The following DPYD variants were observed in gnomAD, a reference collection of about 807,000 sequenced individuals.
DPYD encodes dihydropyrimidine dehydrogenase [NADP(+)].
DPYD carries 109 observed loss-of-function variants against 116.2 expected under a neutral mutation model. That is an observed-to-expected ratio of 0.94 (90% CI 0.80 to 1.10). DPYD has a LOEUF of 1.10. DPYD is among the 50% of genes least tolerant of loss of function. The pLI, the probability that DPYD is intolerant of heterozygous loss-of-function variation, is 0.00. For synonymous variants in DPYD, 440 were observed against 432.0 expected (o/e 1.02, Z -0.23); for missense variants, 1,302 against 1,254.5 (o/e 1.04, Z -0.57).
intron 12 of DPYD, among the ~76,000 whole-genome samples, chr1:97,528,282 T>C (rs1046008778): frequency 6.6e-6 from 1 of 152,176 alleles, no homozygotes; most frequent in Admixed American, 6.5e-5. Flanking sequence ...ATAATAAAAT[T>C]TCCTTCTGAT....
chr1:97,118,469 A>G (rs371749812), intron 20 of DPYD, among the ~76,000 whole-genome samples: 15 of 152,166 alleles, frequency 9.9e-5, no homozygotes, highest in East Asian at 3.9e-4. Context: ...AAAGCAAGAG[A>G]TAACTATAAA....
chr1:97,190,453 C>T (rs1436946805), intron 20 of DPYD, among the ~76,000 whole-genome samples: 1 of 152,096 alleles, frequency 6.6e-6, no homozygotes, highest in Non-Finnish European at 1.5e-5. Context: ...GCTAGTGGGG[C>T]CTGGGAACCT....
intron 20 of DPYD, among the ~76,000 whole-genome samples, chr1:97,100,563 A>G (rs1650595412): frequency 1.3e-5 from 2 of 152,018 alleles, no homozygotes; most frequent in African/African-American, 4.8e-5. Context: ...TGGGGTTTAC[A>G]TGGTTCTCTG....
Position 97,157,920 on chromosome 1 carries a change from T to G in DPYD, c.2622+35149A>C, listed in dbSNP as rs1655596612. Among the ~76,000 whole-genome samples, 3 of 152,272 alleles carry G rather than the reference T, an allele frequency of 2.0e-5. No homozygotes were observed. In the South Asian group the frequency reaches 6.2e-4, roughly 32 times the overall value. The stretch of plus-strand genomic sequence containing the variant: ...TCTGCAACTAAAGAATAAGATTCTT[T>G]ACAATGAGCAATGCTGAATAGGTAC... On this transcript the variant is annotated intron_variant, in intron 20 of 22. Coordinates refer to ENST00000370192, the MANE Select transcript of DPYD (RefSeq NM_000110.4).
At chr1:97,746,530 A>G (rs1018432842) in intron 3 of DPYD, among the ~76,000 whole-genome samples, 2 of 152,128 alleles carry the variant, frequency 1.3e-5, no homozygotes, top group African/African-American at 4.8e-5. Flanking sequence ...ATGACTATTA[A>G]AGACTGTTGC....
At chr1:97,355,560 T>C (rs1421687860) in intron 16 of DPYD, among the ~76,000 whole-genome samples, 1 of 152,202 alleles carries the variant, frequency 6.6e-6, no homozygotes, top group Non-Finnish European at 1.5e-5. Flanking sequence ...CCCTATTCTT[T>C]GACCATCTTC....
At chr1:97,665,875 CT>C (rs1040528222) in intron 8 of DPYD, among the ~76,000 whole-genome samples, 6 of 152,112 alleles carry the variant, frequency 3.9e-5, no homozygotes, top group African/African-American at 1.2e-4. Context: ...CTCTGGATGG[CT>C]TTTTGTTATT....
At chr1:97,194,282 C>T (rs1049346048) in intron 19 of DPYD, among the ~76,000 whole-genome samples, 51 of 152,022 alleles carry the variant, frequency 3.4e-4, no homozygotes, top group African/African-American at 1.1e-3. Flanking sequence ...ATGCTGTTCT[C>T]GTGATGATGA....
chr1:97,156,263 G>T (rs546962265), intron 20 of DPYD, among the ~76,000 whole-genome samples: 1 of 151,960 alleles, frequency 6.6e-6, no homozygotes, highest in African/African-American at 2.4e-5. Context: ...TAGCCTCCAG[G>T]GTTCCATTCT....
chr1:97,695,414 T>A (rs572452932), intron 6 of DPYD, among the ~76,000 whole-genome samples: 1 of 149,094 alleles, frequency 6.7e-6, no homozygotes, highest in Admixed American at 6.8e-5. Flanking sequence ...CATCATTTTT[T>A]AAAAACTTCC....
intron 2 of DPYD, among the ~76,000 whole-genome samples, chr1:97,860,202 G>C (rs1304367373): frequency 6.6e-6 from 1 of 152,074 alleles, no homozygotes; most frequent in African/African-American, 2.4e-5. Flanking sequence ...AATTAGCTGG[G>C]TGTGGTGATG....
chr1:97,286,728 T>C (rs931845864), intron 18 of DPYD, among the ~76,000 whole-genome samples: 1 of 152,272 alleles, frequency 6.6e-6, no homozygotes, highest in African/African-American at 2.4e-5. Flanking sequence ...CTGAGGCTTC[T>C]GCATTCTTCA....
intron 20 of DPYD, among the ~76,000 whole-genome samples, chr1:97,162,437 C>T (rs1570579583): frequency 1.3e-5 from 2 of 152,018 alleles, no homozygotes; most frequent in Admixed American, 6.6e-5. Flanking sequence ...CGTGAAGGAC[C>T]TCTTCAAGGA....
chr1:97,896,354 A>C (rs1229621046), intron 1 of DPYD, among the ~76,000 whole-genome samples: 1 of 151,790 alleles, frequency 6.6e-6, no homozygotes, highest in Non-Finnish European at 1.5e-5. Flanking sequence ...GAAAAAGAGA[A>C]ACATTCAGCT....
chr1:97,790,098 C>T (rs1667237545), intron 3 of DPYD, among the ~76,000 whole-genome samples: 1 of 152,088 alleles, frequency 6.6e-6, no homozygotes, highest in South Asian at 2.1e-4. Context: ...AACCTGGGAC[C>T]TACGTTGTAA....
chr1:97,691,236 G>A (rs1660994016), intron 7 of DPYD: 1 of 153,294 alleles, frequency 6.5e-6, no homozygotes, highest in Non-Finnish European at 1.5e-5. Flanking sequence ...AAAATACGAA[G>A]CTGTTGCTTT....
rs1159954509 is a variant in DPYD at position 97,549,697 on chromosome 1, C to G, written c.1387G>C (p.Glu463Gln). The change falls in exon 12 of 23, where the codon GAA becomes CAA. Residue 463 changes from glutamate to glutamine, a missense_variant. Physicochemically the swap from Glu to Gln is conservative, Grantham distance 29. Transcript: ENST00000370192. ...PIKFNRWGLP[E>Q]VDPETMQTSE... Reference sequence around the variant, plus strand: ...GTTTGCATAGTTTCTGGATCTACTTCTGGGAGACCCCATCTGTTAAATTTT... The same window carrying G: ...GTTTGCATAGTTTCTGGATCTACTTGTGGGAGACCCCATCTGTTAAATTTT... 1.9e-6 allele frequency: 3 copies of G among 1,613,794 alleles called. No individual in the cohort carries two copies. The highest frequency in any genetic ancestry group is 2.7e-5 in the African/African-American group (2 of 75,014).
chr1:97,846,843 A>C (rs1670325583), intron 2 of DPYD, among the ~76,000 whole-genome samples: 1 of 152,194 alleles, frequency 6.6e-6, no homozygotes, highest in African/African-American at 2.4e-5. Context: ...CCTATGTTTA[A>C]CTTCTCAAAA....
chr1:97,650,844 GTA>G (rs1290126912), intron 8 of DPYD, among the ~76,000 whole-genome samples: 1 of 151,382 alleles, frequency 6.6e-6, no homozygotes, highest in African/African-American at 2.4e-5. Flanking sequence ...TTCAAGGTGT[GTA>G]TACACACACA....
Sources: gnomAD v4.1 joint callset for allele counts (sites outside exome capture counted in the v4.1 genomes callset) on GRCh38, gnomAD v4.1.1 for gene constraint, MANE v1.5 for transcripts, NCBI Gene and HGNC (gene_info 2026-07-23, HGNC 2026-07-21) for gene names.